The following NNT variants were observed in gnomAD, a reference collection of about 807,000 sequenced individuals.
NNT encodes the protein nicotinamide nucleotide transhydrogenase, also known as NAD(P) transhydrogenase, mitochondrial.
A neutral mutation model predicts 104.8 loss-of-function variants in NNT; 50 were observed. The ratio of observed to expected loss-of-function variants is 0.48; its 90% CI spans 0.38 to 0.60. The LOEUF is 0.60. NNT is among the 20% of genes least tolerant of loss of function. The pLI is 0.00. For synonymous variants in NNT, 461 were observed against 490.4 expected, an observed-to-expected ratio of 0.94 and a Z score of 0.79; for missense variants, 1,131 against 1,330.7, an observed-to-expected ratio of 0.85 and a Z score of 2.33.
In NNT at chr5:43,649,212, A is replaced by G. The variant is rs747906700; in HGVS notation, c.1510A>G (p.Thr504Ala). ...PNLAFSQMVT[T>A]FGLAGIVGYH... ...TCTAGCCTTTTCTCAGATGGTGACCACTTTTGGCTTGGCTGGCATTGTGGG... is the reference window on the plus strand; with the variant it reads ...TCTAGCCTTTTCTCAGATGGTGACCGCTTTTGGCTTGGCTGGCATTGTGGG... The change falls in exon 11 of 22, where the codon ACT becomes GCT. Residue 504 changes from threonine to alanine, a missense_variant. Transcript: ENST00000344920. 6.2e-7 allele frequency: 1 copy of G among 1,614,164 alleles called. No individual in the cohort carries two copies. Among genetic ancestry groups the G allele is most frequent in the East Asian group, 2.2e-5 (1 of 44,872 alleles).
chr5:43,611,297 C>T (rs1231116561), intron 2 of NNT, among the ~76,000 whole-genome samples: 1 of 152,058 alleles, frequency 6.6e-6, no homozygotes, highest in African/African-American at 2.4e-5. Context: ...TGATTGAATC[C>T]TCTTGGTATT....
chr5:43,704,376 C>A lies in NNT; in HGVS notation c.3233C>A (p.Ala1078Glu), dbSNP rs145466859. The A allele has an allele frequency of 2.7e-5, 43 of 1,613,290 alleles. No homozygotes were observed. Among genetic ancestry groups the A allele is most frequent in the Non-Finnish European group, 3.5e-5 (41 of 1,179,538 alleles). ...DAKKTCDALQ[A>E]KVRESYQK is the part of the protein sequence containing the mutation. Reference sequence around the variant, plus strand: ...AAGAAAACATGTGACGCGCTCCAGGCGAAAGTTAGAGAATCCTATCAGAAG... The same window carrying A: ...AAGAAAACATGTGACGCGCTCCAGGAGAAAGTTAGAGAATCCTATCAGAAG... The change falls in exon 22 of 22, where the codon GCG (alanine) becomes GAG (glutamate). Residue 1078 changes from alanine (A) to glutamate (E), a missense_variant. Physicochemically the swap from Ala to Glu is moderately radical, Grantham distance 107. Transcript: ENST00000344920.
chr5:43,671,920 C>T (rs974859117), intron 17 of NNT, among the ~76,000 whole-genome samples: 1 of 152,218 alleles, frequency 6.6e-6, no homozygotes, highest in African/African-American at 2.4e-5. Context: ...TTCAGGTACA[C>T]CAATGAGACG....
chr5:43,617,229 A>G (rs928202813), intron 4 of NNT, among the ~76,000 whole-genome samples: 8 of 152,244 alleles, frequency 5.3e-5, no homozygotes, highest in African/African-American at 1.9e-4. Context: ...GAATATCAAA[A>G]CCAGTCGCTC....
At chr5:43,677,026 A>G (rs1443274927) in intron 18 of NNT, among the ~76,000 whole-genome samples, 2 of 152,110 alleles carry the variant, frequency 1.3e-5, no homozygotes, top group Admixed American at 6.6e-5. Flanking sequence ...GTTCTTGGTT[A>G]TACCTGTAAT....
chr5:43,637,662 C>T (rs149342270), intron 7 of NNT, among the ~76,000 whole-genome samples: 1 of 152,280 alleles, frequency 6.6e-6, no homozygotes, highest in East Asian at 1.9e-4. Context: ...TTTCAGGCTC[C>T]AGTGTGTACA....
chr5:43,655,446 T>A, intron 14 of NNT, among the ~76,000 whole-genome samples: 1 of 152,360 alleles, frequency 6.6e-6, no homozygotes, highest in African/African-American at 2.4e-5. Flanking sequence ...ACATAAATAC[T>A]TAACACAAAC....
At position 43,702,621 on chromosome 5, in the gene NNT, A is replaced by G. The variant is rs1742915186; in HGVS notation, c.2996A>G (p.Asp999Gly). 1.3e-6 allele frequency: 2 copies of G among 1,591,716 alleles called. No homozygotes were observed. The highest frequency in any genetic ancestry group is 1.7e-6 in the Non-Finnish European group (2 of 1,165,210). ...CTTTCTTTTTTGTTTTATTATATAGATACTGATTTGGTCCTTGTAATTGGA... is the reference window on the plus strand; with the variant it reads ...CTTTCTTTTTTGTTTTATTATATAGGTACTGATTTGGTCCTTGTAATTGGA... Reference protein sequence around the residue: ...EMDEINHDFPDTDLVLVIGAN... With the variant: ...EMDEINHDFPGTDLVLVIGAN... Residue 999 changes from aspartate (D) to glycine (G), a missense_variant and splice_region_variant, in exon 21 of 22, where the codon GAT becomes GGT. Transcript: ENST00000344920.
chr5:43,646,337 G>A (rs1322676333), intron 10 of NNT, among the ~76,000 whole-genome samples: 1 of 152,158 alleles, frequency 6.6e-6, no homozygotes, highest in Non-Finnish European at 1.5e-5. Flanking sequence ...TCAGGTAGGA[G>A]TGCAGTGGTG....
chr5:43,666,212 A>G (rs1477250726), intron 17 of NNT, among the ~76,000 whole-genome samples: 3 of 152,146 alleles, frequency 2.0e-5, no homozygotes, highest in Admixed American at 6.5e-5. Flanking sequence ...AGAGGCTGCA[A>G]TCTCGGCACT....
intron 17 of NNT, among the ~76,000 whole-genome samples, chr5:43,672,450 C>T (rs773752946): frequency 6.6e-6 from 1 of 152,226 alleles, no homozygotes; most frequent in Non-Finnish European, 1.5e-5. Flanking sequence ...TGGTGACGTA[C>T]AGATGAGGTT....
chr5:43,606,318 A>G (rs1749223843), intron 1 of NNT, among the ~76,000 whole-genome samples: 1 of 152,192 alleles, frequency 6.6e-6, no homozygotes, highest in Non-Finnish European at 1.5e-5. Flanking sequence ...ATCTCACTCA[A>G]GACAAGAATA....
intron 7 of NNT, among the ~76,000 whole-genome samples, chr5:43,636,077 C>T (rs1467291381): frequency 6.6e-6 from 1 of 152,094 alleles, no homozygotes; most frequent in Non-Finnish European, 1.5e-5. Flanking sequence ...ATTCTGGTTC[C>T]ACTACTTAAC....
chr5:43,666,728 C>T (rs1321349475), intron 17 of NNT: 25 of 1,165,316 alleles, frequency 2.1e-5, no homozygotes, highest in East Asian at 7.1e-5. Context: ...GGTGGGGGGT[C>T]GCACCAGTCC....
At chr5:43,621,490 T>A (rs1208267084) in intron 5 of NNT, among the ~76,000 whole-genome samples, 1 of 152,060 alleles carries the variant, frequency 6.6e-6, no homozygotes, top group Non-Finnish European at 1.5e-5. Context: ...TACACTCCAG[T>A]GGGGGTCATA....
In NNT at chr5:43,628,298, T is replaced by C; in HGVS notation, c.875T>C (p.Met292Thr). ...GEGQGGYAKE[M>T]SKEFIEAEMK... Reference sequence around the variant, plus strand: ...GGACAAGGAGGATATGCAAAAGAGATGTCCAAAGAGTTCATTGAAGCTGAA... The same window carrying C: ...GGACAAGGAGGATATGCAAAAGAGACGTCCAAAGAGTTCATTGAAGCTGAA... The change falls in exon 7 of 22, where the codon ATG becomes ACG. Residue 292 changes from methionine to threonine, a missense_variant. Coordinates refer to ENST00000344920, the MANE Select transcript of NNT (RefSeq NM_182977.3). 1 of 1,614,062 alleles carries C rather than the reference T, an allele frequency of 6.2e-7. No individual in the cohort carries two copies. Among genetic ancestry groups the C allele is most frequent in the South Asian group, 1.1e-5 (1 of 91,084 alleles).
intron 20 of NNT, among the ~76,000 whole-genome samples, chr5:43,701,361 G>T (rs1374594662): frequency 6.6e-6 from 1 of 152,108 alleles, no homozygotes; most frequent in Non-Finnish European, 1.5e-5. Flanking sequence ...GTGTTAATTT[G>T]CTTAGGATAA....
chr5:43,660,395 A>T (rs1267378056), intron 17 of NNT, among the ~76,000 whole-genome samples: 1 of 152,220 alleles, frequency 6.6e-6, no homozygotes, highest in African/African-American at 2.4e-5. Context: ...TGGCAAGAAG[A>T]TGTTCTGCAA....
chr5:43,681,708 TTTGA>T (rs1741729769), intron 19 of NNT, among the ~76,000 whole-genome samples: 1 of 152,154 alleles, frequency 6.6e-6, no homozygotes, highest in Admixed American at 6.5e-5. Context: ...CCTCAACTTC[TTTGA>T]TTGACTAGCT....
Sources: allele counts gnomAD v4.1 joint callset (sites outside exome capture counted in the v4.1 genomes callset), GRCh38; gene constraint gnomAD v4.1.1; transcripts MANE v1.5; gene names NCBI Gene and HGNC (gene_info 2026-07-23, HGNC 2026-07-21).